The following PPP1R9A variants were observed in gnomAD, a reference collection of about 807,000 sequenced individuals.
PPP1R9A encodes the protein protein phosphatase 1 regulatory subunit 9A, also known as neurabin-1.
PPP1R9A carries 59 observed loss-of-function variants against 141.9 expected under a neutral mutation model. That is an observed-to-expected ratio of 0.42 (90% CI 0.34 to 0.52). PPP1R9A has a LOEUF of 0.52. Among genes scored for constraint, PPP1R9A ranks in the 20% least tolerant of loss-of-function variants. PPP1R9A has a pLI of 0.10. For missense variants in PPP1R9A, 1,444 were observed against 1,611.9 expected (o/e 0.90, Z 1.78); for synonymous variants, 500 against 569.7 (o/e 0.88, Z 1.74).
chr7:94,977,109 G>C (rs1176027014), intron 2 of PPP1R9A, among the ~76,000 whole-genome samples: 2 of 152,154 alleles, frequency 1.3e-5, no homozygotes, highest in East Asian at 3.9e-4. Flanking sequence ...ATGGGGGCTT[G>C]TGGGAGTAAG....
At chr7:95,012,773 G>T (rs1804604496) in intron 2 of PPP1R9A, among the ~76,000 whole-genome samples, 1 of 152,130 alleles carries the variant, frequency 6.6e-6, no homozygotes, top group Non-Finnish European at 1.5e-5. Context: ...GGATCACTGA[G>T]TATATAGAAA....
intron 5 of PPP1R9A, among the ~76,000 whole-genome samples, chr7:95,193,344 G>A (rs781214290): frequency 1.3e-4 from 20 of 151,902 alleles, no homozygotes; most frequent in Non-Finnish European, 1.0e-4. Context: ...TGTCTTATGC[G>A]CAATTATAAA....
chr7:94,907,799 G>T (rs1168757559), intron 1 of PPP1R9A, 97 bp downstream of exon 1: 1 of 151,380 alleles, frequency 6.6e-6, no homozygotes, highest in Non-Finnish European at 1.5e-5. Context: ...CCGCACGTGG[G>T]CCAAACCCCT....
intron 2 of PPP1R9A, among the ~76,000 whole-genome samples, chr7:94,961,189 T>TAA (rs142658737): frequency 6.6e-6 from 1 of 151,116 alleles, no homozygotes; most frequent in African/African-American, 2.4e-5. Context: ...GACTGGTTAA[T>TAA]AAAAAAAACA....
rs576822298 is a variant in PPP1R9A at position 94,920,390 on chromosome 7, G to A, written c.1395+8882G>A. Among the ~76,000 whole-genome samples the A allele has an allele frequency of 2.6e-5, 4 of 151,324 alleles. 1 individual carries two copies. Among genetic ancestry groups the A allele is most frequent in the African/African-American group, 9.7e-5 (4 of 41,234 alleles). On this transcript the variant is annotated intron_variant, in intron 2 of 19. Coordinates refer to ENST00000433360, the MANE Select transcript of PPP1R9A (RefSeq NM_001166160.2). ...AATTTTTTTTTTTTTTACAGTTCCC[G>A]GTTTTCAGCCTAACTTACTCTTTCT...
At chr7:95,162,145 AT>A (rs1830550111) in intron 5 of PPP1R9A, among the ~76,000 whole-genome samples, 174 bp downstream of exon 5, 1 of 152,220 alleles carries the variant, frequency 6.6e-6, no homozygotes, top group Non-Finnish European at 1.5e-5. Flanking sequence ...TGAAAATAGA[AT>A]TTAAAATTAC....
chr7:95,288,773 T>G, intron 19 of PPP1R9A, 55 bp downstream of exon 19: 1 of 1,570,484 alleles, frequency 6.4e-7, no homozygotes, highest in South Asian at 1.2e-5. Flanking sequence ...ATTACTCATA[T>G]CACCTAAAAT....
intron 2 of PPP1R9A, among the ~76,000 whole-genome samples, chr7:94,917,727 A>G (rs927288584): frequency 6.6e-6 from 1 of 152,134 alleles, no homozygotes; most frequent in African/African-American, 2.4e-5. Flanking sequence ...TTTTTGGATC[A>G]TACATACTTT....
At chr7:94,976,724 G>C (rs997309824) in intron 2 of PPP1R9A, among the ~76,000 whole-genome samples, 1 of 152,128 alleles carries the variant, frequency 6.6e-6, no homozygotes, top group Non-Finnish European at 1.5e-5. Flanking sequence ...CTCAGGGAAT[G>C]TTTTACTTTG....
chr7:95,221,017 A>C (rs1468911797), intron 7 of PPP1R9A, among the ~76,000 whole-genome samples: 1 of 152,122 alleles, frequency 6.6e-6, no homozygotes, highest in African/African-American at 2.4e-5. Flanking sequence ...TACTTCAGAA[A>C]TGACCAATTT....
At chr7:95,217,871 A>G (rs998769102) in intron 7 of PPP1R9A, among the ~76,000 whole-genome samples, 7 of 151,416 alleles carry the variant, frequency 4.6e-5, no homozygotes, top group African/African-American at 1.7e-4. Context: ...TTTATTTGTT[A>G]TTAGTCTTGC....
chr7:95,053,982 T>C (rs1220031244), intron 2 of PPP1R9A, among the ~76,000 whole-genome samples: 1 of 152,146 alleles, frequency 6.6e-6, no homozygotes, highest in African/African-American at 2.4e-5. Context: ...AAGAAAGAAA[T>C]GTTAAATCAG....
intron 16 of PPP1R9A, among the ~76,000 whole-genome samples, chr7:95,278,045 T>C (rs1803520703): frequency 6.6e-6 from 1 of 152,182 alleles, no homozygotes; most frequent in South Asian, 2.1e-4. Context: ...TCTATGGAAA[T>C]GAATTTGCAT....
intron 2 of PPP1R9A, among the ~76,000 whole-genome samples, chr7:95,042,694 A>C (rs535423172): frequency 6.6e-6 from 1 of 152,260 alleles, no homozygotes; most frequent in East Asian, 1.9e-4. Flanking sequence ...ATCTAAAGTA[A>C]AACTTCTTGT....
intron 4 of PPP1R9A, among the ~76,000 whole-genome samples, chr7:95,129,292 C>T (rs1333840694): frequency 6.6e-6 from 1 of 152,052 alleles, no homozygotes; most frequent in Non-Finnish European, 1.5e-5. Flanking sequence ...CTACATTATT[C>T]TTGTGATAGT....
At chr7:95,026,912 G>T (rs933125920) in intron 2 of PPP1R9A, among the ~76,000 whole-genome samples, 6 of 152,192 alleles carry the variant, frequency 3.9e-5, no homozygotes, top group Admixed American at 1.3e-4. Context: ...TCAAGCCTCA[G>T]CAATGGCGGA....
intron 2 of PPP1R9A, among the ~76,000 whole-genome samples, chr7:95,026,829 G>A (rs1029126574): frequency 3.3e-5 from 5 of 152,128 alleles, no homozygotes; most frequent in Admixed American, 2.0e-4. Context: ...TGGCTTTGCT[G>A]AGGTGTGGAA....
chr7:95,166,653 ATTCT>A (rs1434064287), intron 5 of PPP1R9A, among the ~76,000 whole-genome samples: 2 of 152,180 alleles, frequency 1.3e-5, no homozygotes, highest in Non-Finnish European at 2.9e-5. Flanking sequence ...CTTCTCCCTG[ATTCT>A]TTCTATGAGG....
At position 95,006,193 on chromosome 7, in the gene PPP1R9A, CTTATTTATTTAT is replaced by C. The variant is rs71125097; in HGVS notation, c.1395+94716_1395+94727del. 3.3e-3 allele frequency among the ~76,000 whole-genome samples: 477 copies of C among 146,310 alleles called. 2 individuals carry two copies. Among genetic ancestry groups the C allele is most frequent in the Non-Finnish European group, 5.1e-3 (342 of 66,944 alleles). ...TTAAAATAAATTGAGATCTTAAGAA[CTTATTTATTTAT>C]TTATTTATTTATTTATTTATTTATT... is the stretch of plus-strand genomic sequence containing the variant. On this transcript the variant is annotated intron_variant, in intron 2 of 19. Transcript: ENST00000433360.
Sources: allele counts gnomAD v4.1 joint callset (sites outside exome capture counted in the v4.1 genomes callset), GRCh38; gene constraint gnomAD v4.1.1; transcripts MANE v1.5; gene names NCBI Gene and HGNC (gene_info 2026-07-23, HGNC 2026-07-21).